VDAC1: variants seen among roughly 807,000 people sequenced by gnomAD.
VDAC1 encodes the protein voltage dependent anion channel 1.
A neutral mutation model predicts 34.7 loss-of-function variants in VDAC1; 10 were observed. That is an observed-to-expected ratio of 0.29 (90% CI 0.18 to 0.49). The LOEUF is 0.49. Ranked by LOEUF, VDAC1 falls within the 20% of genes least tolerant of loss-of-function variation. VDAC1 has a pLI of 0.99. For synonymous variants in VDAC1, 130 were observed against 136.0 expected, an observed-to-expected ratio of 0.96 and a Z score of 0.30; for missense variants, 230 against 347.9, an observed-to-expected ratio of 0.66 and a Z score of 2.69.
the VDAC1 span, among the ~76,000 whole-genome samples, chr5:134,052,839 G>A: frequency 1.1e-3 from 173 of 152,276 alleles, no homozygotes; most frequent in Non-Finnish European, 2.2e-3. Context: ...AGCCCTGGCC[G>A]GGTGCGGTGG....
chr5:134,064,140 T>A, the VDAC1 span, among the ~76,000 whole-genome samples: 1 of 151,758 alleles, frequency 6.6e-6, no homozygotes, highest in Non-Finnish European at 1.5e-5. Context: ...GTCCAGTCCA[T>A]GAATTTTTCA....
At chr5:134,067,793 C>T in the VDAC1 span, among the ~76,000 whole-genome samples, 1 of 152,116 alleles carries the variant, frequency 6.6e-6, no homozygotes, top group East Asian at 1.9e-4. Context: ...TTCTGTTACA[C>T]TCTCTTCCAA....
At chr5:134,012,585 T>G in the VDAC1 span, among the ~76,000 whole-genome samples, 23 of 152,242 alleles carry the variant, frequency 1.5e-4, no homozygotes, top group South Asian at 4.2e-3. Context: ...GAAAGCATCA[T>G]CTATGTGACA....
intron 5 of VDAC1, among the ~76,000 whole-genome samples, chr5:133,983,105 C>T (rs567515816): frequency 5.3e-5 from 8 of 149,618 alleles, no homozygotes; most frequent in East Asian, 4.0e-4. Context: ...CAAAATTAGC[C>T]GGGTGTGGTG....
At chr5:133,975,192 C>T (rs759727645) in intron 7 of VDAC1, among the ~76,000 whole-genome samples, 1 of 152,034 alleles carries the variant, frequency 6.6e-6, no homozygotes, top group Non-Finnish European at 1.5e-5. Context: ...TACTTGAGCA[C>T]AGGAGGATGA....
intron 5 of VDAC1, among the ~76,000 whole-genome samples, chr5:133,989,703 C>T (rs1038949559): frequency 2.6e-4 from 39 of 151,314 alleles, no homozygotes; most frequent in Non-Finnish European, 4.0e-4. Flanking sequence ...GCTCTTCTTG[C>T]CCAGGGTGCA....
At chr5:134,037,400 T>G in the VDAC1 span, among the ~76,000 whole-genome samples, 2 of 152,224 alleles carry the variant, frequency 1.3e-5, no homozygotes, top group East Asian at 3.8e-4. Flanking sequence ...TCTGACCTAG[T>G]GCATTAGGGC....
chr5:133,973,766 G>A (rs772522232), intron 8 of VDAC1, 25 bp downstream of exon 8: 151 of 1,603,748 alleles, frequency 9.4e-5, no homozygotes, highest in Admixed American at 1.9e-4. Flanking sequence ...ATAAAGAACC[G>A]ATTTCACACA....
chr5:134,103,743 C>T, the VDAC1 span, among the ~76,000 whole-genome samples: 1 of 152,208 alleles, frequency 6.6e-6, no homozygotes, highest in Non-Finnish European at 1.5e-5. Flanking sequence ...GAAATGTTTA[C>T]CAGCGCCGCC....
the VDAC1 span, among the ~76,000 whole-genome samples, chr5:134,066,036 A>G: frequency 6.6e-6 from 1 of 151,964 alleles, no homozygotes; most frequent in Non-Finnish European, 1.5e-5. Flanking sequence ...CTCATGATCC[A>G]CTTGCCTCAG....
At chr5:134,053,287 A>G in the VDAC1 span, among the ~76,000 whole-genome samples, 1 of 152,200 alleles carries the variant, frequency 6.6e-6, no homozygotes, top group African/African-American at 2.4e-5. Flanking sequence ...TCGCCTGGTC[A>G]CCCAGCAAGT....
At chr5:133,977,021 G>A (rs1255767429) in intron 6 of VDAC1, among the ~76,000 whole-genome samples, 1 of 152,228 alleles carries the variant, frequency 6.6e-6, no homozygotes, top group South Asian at 2.1e-4. Context: ...TCCAGTCTGG[G>A]TGACAGAGTG....
At chr5:134,041,106 C>T in the VDAC1 span, among the ~76,000 whole-genome samples, 6 of 152,106 alleles carry the variant, frequency 3.9e-5, no homozygotes, top group Non-Finnish European at 7.3e-5. Context: ...TGCTCAAACC[C>T]CTGCTACTGA....
At chr5:134,113,220 T>G in the VDAC1 span, among the ~76,000 whole-genome samples, 34 of 152,182 alleles carry the variant, frequency 2.2e-4, no homozygotes, top group African/African-American at 7.9e-4. Context: ...CCCCCTCATC[T>G]CCATCACCAA....
the VDAC1 span, among the ~76,000 whole-genome samples, chr5:134,103,152 G>C: frequency 6.6e-6 from 1 of 152,070 alleles, no homozygotes; most frequent in Non-Finnish European, 1.5e-5. Flanking sequence ...GACAGGGTCT[G>C]GCTCTGTCAC....
chr5:134,070,381 C>T, the VDAC1 span, among the ~76,000 whole-genome samples: 3 of 152,102 alleles, frequency 2.0e-5, no homozygotes, highest in Admixed American at 6.5e-5. Context: ...GGCTGCTGTC[C>T]GTGATCTGCC....
the VDAC1 span, among the ~76,000 whole-genome samples, chr5:134,077,186 G>A: frequency 4.4e-3 from 669 of 150,682 alleles, 4 homozygotes; most frequent in African/African-American, 0.016. Flanking sequence ...CTGAGGCACA[G>A]GAATTGCTTG....
the VDAC1 span, among the ~76,000 whole-genome samples, chr5:134,018,393 C>CA: frequency 6.6e-6 from 1 of 152,184 alleles, no homozygotes; most frequent in Non-Finnish European, 1.5e-5. Flanking sequence ...CACCTCCCAC[C>CA]AGGCCCCACC....
intron 6 of VDAC1, among the ~76,000 whole-genome samples, chr5:133,980,255 C>T (rs1356408432): frequency 6.6e-6 from 1 of 152,152 alleles, no homozygotes; most frequent in Non-Finnish European, 1.5e-5. Flanking sequence ...CCATACTGTC[C>T]AATAGTTACT....
Sources: allele counts gnomAD v4.1 joint callset (sites outside exome capture counted in the v4.1 genomes callset), GRCh38; gene constraint gnomAD v4.1.1; transcripts MANE v1.5; gene names NCBI Gene and HGNC (gene_info 2026-07-23, HGNC 2026-07-21).